The following KIFBP variants were observed in gnomAD, a reference collection of about 807,000 sequenced individuals.
KIFBP encodes the protein kinesin family binding protein, also known as KIF-binding protein.
Under a neutral mutation model 58.9 loss-of-function variants are expected in KIFBP, and 46 were observed. That is an observed-to-expected ratio of 0.78 (90% confidence interval 0.62 to 1.00). The LOEUF (loss-of-function observed/expected upper bound fraction) is 1.00, where lower values mean the gene tolerates loss of function less well. KIFBP is among the 50% of genes least tolerant of loss of function. KIFBP has a pLI of 0.00. For missense variants in KIFBP, 651 were observed against 752.9 expected, an observed-to-expected ratio of 0.86 and a Z score of 1.58; for synonymous variants, 241 against 283.4, an observed-to-expected ratio of 0.85 and a Z score of 1.50.
rs1843517110 is a variant in KIFBP, at chr10:69,005,079, T to C, written c.559T>C (p.Phe187Leu). ...TCCTCCTCTTGATCCTACTGAGCGT[T>C]TTCTTCCTGAAGAAGAGAAACTTAC... ...GSPPLDPTER[F>L]LPEEEKLTEQ... Residue 187 changes from phenylalanine (F) to leucine (L), a missense_variant, in exon 3 of 7, where the codon TTT (phenylalanine) becomes CTT (leucine). Transcript: ENST00000361983. 1 of 1,613,644 alleles carries C rather than the reference T, an allele frequency of 6.2e-7. No homozygotes were observed. The highest frequency in any genetic ancestry group is 1.1e-5 in the South Asian group (1 of 91,078).
chr10:69,015,079 T>C (rs1838977868), intron 6 of KIFBP, among the ~76,000 whole-genome samples: 1 of 152,112 alleles, frequency 6.6e-6, no homozygotes, highest in African/African-American at 2.4e-5. Flanking sequence ...CCTGCCACCA[T>C]GCCTGGCTAA....
intron 1 of KIFBP, among the ~76,000 whole-genome samples, chr10:68,994,847 C>G (rs1262724616): frequency 6.6e-6 from 1 of 151,666 alleles, no homozygotes; most frequent in Admixed American, 6.6e-5. Context: ...TGTAGTCCCT[C>G]CCTCTCTCCT....
intron 6 of KIFBP, chr10:69,011,375 G>A (rs1297821035): frequency 5.9e-6 from 1 of 169,454 alleles, no homozygotes; most frequent in Non-Finnish European, 1.2e-5. Context: ...CTTCTTGAGA[G>A]CTGGGAACGA....
chr10:69,008,389 AAAATATATATATATAT>A (rs1186753253), intron 4 of KIFBP, among the ~76,000 whole-genome samples: 2 of 56,570 alleles, frequency 3.5e-5, no homozygotes, highest in Admixed American at 1.9e-4. Flanking sequence ...AAAAAAAAAA[AAAATATATATATATAT>A]ATATATATAT....
rs1211667916 is a variant in KIFBP, at chr10:69,008,377, T to TAAAA, written c.790-452_790-449dup. Among the ~76,000 whole-genome samples, 243 of 75,380 alleles carry TAAAA rather than the reference T, an allele frequency of 3.2e-3. 2 individuals are homozygous for TAAAA. Among genetic ancestry groups the TAAAA allele is most frequent in the African/African-American group, 0.019 (228 of 11,968 alleles). The allele number at this position is 75,380 out of a possible 152,430, so 49.5% of individuals were successfully genotyped here. A position where few individuals can be genotyped will look rare whatever the true frequency, so the allele number is the denominator to read the frequency against. On this transcript the variant is annotated intron_variant, in intron 4 of 6. Transcript: ENST00000361983. ...GGGCCAGAGTGAGACCCCTGTCTCG[T>TAAAA]AAAAAAAAAAAAAAATATATATATA...
chr10:69,005,897 A>C lies in KIFBP; in HGVS notation c.771A>C (p.Ser257=). 6.2e-7 allele frequency: 1 copy of C among 1,613,978 alleles called. No individual in the cohort carries two copies. The highest frequency in any genetic ancestry group is 8.5e-7 in the Non-Finnish European group (1 of 1,179,930). The change falls in exon 4 of 7, where the codon TCA becomes TCC. Residue 257 remains serine, a synonymous_variant. Coordinates refer to ENST00000361983, the MANE Select transcript of KIFBP (RefSeq NM_015634.4). ...GGGCTATCAATGCTGCTACCTTGTC[A>C]CAGTTTTACATCAATAAGGTAAGCT... ...IEWAINAATL[S]QFYINKLCFM...
chr10:69,003,747 C>T (rs1020140332), intron 2 of KIFBP, among the ~76,000 whole-genome samples: 4 of 152,116 alleles, frequency 2.6e-5, no homozygotes, highest in African/African-American at 7.2e-5. Context: ...GGGGGTAATA[C>T]ACTTTTGTTA....
intron 1 of KIFBP, among the ~76,000 whole-genome samples, chr10:68,990,801 G>T (rs1218598265): frequency 6.6e-6 from 1 of 152,034 alleles, no homozygotes; most frequent in South Asian, 2.1e-4. Flanking sequence ...AACAGAGTGA[G>T]ACCCTGTCTC....
rs188524170 is a variant in KIFBP, at chr10:69,000,156, C to T, written c.427-268C>T. Among the ~76,000 whole-genome samples the T allele has an allele frequency of 0.048, 7,274 of 151,860 alleles. 185 individuals are homozygous for T. Among genetic ancestry groups the T allele is most frequent in the Middle Eastern group, 0.079 (23 of 292 alleles). On this transcript the variant is annotated intron_variant, in intron 1 of 6. Coordinates refer to ENST00000361983, the MANE Select transcript of KIFBP (RefSeq NM_015634.4). ...TCCATCACTTCTGTGATAGTCTAGT[C>T]GTGAGAAGCACATCACTAAAACCAG...
chr10:68,991,311 C>T (rs538407654), intron 1 of KIFBP: 45 of 210,384 alleles, frequency 2.1e-4, no homozygotes, highest in South Asian at 2.3e-4. Flanking sequence ...TTTGCCTCTC[C>T]GTTAAGTCAG....
chr10:69,011,425 G>A (rs1325165155), intron 6 of KIFBP: 7 of 152,772 alleles, frequency 4.6e-5, no homozygotes, highest in South Asian at 4.0e-4. Flanking sequence ...ACAGGCTCTC[G>A]CTCTGTTTCC....
chr10:69,004,144 C>G (rs534132201), intron 2 of KIFBP, among the ~76,000 whole-genome samples: 2 of 147,814 alleles, frequency 1.4e-5, no homozygotes, highest in Non-Finnish European at 3.0e-5. Flanking sequence ...CGCTTGAACC[C>G]GGGAGGCGGA....
chr10:69,000,588 C>T, intron 2 of KIFBP, 66 bp downstream of exon 2: 1 of 1,023,842 alleles, frequency 9.8e-7, no homozygotes, highest in Non-Finnish European at 1.5e-6. Flanking sequence ...TAGTAAGAAT[C>T]CCTCATTCGT....
At chr10:68,998,403 GTTT>G (rs34514567) in intron 1 of KIFBP, among the ~76,000 whole-genome samples, 3 of 145,928 alleles carry the variant, frequency 2.1e-5, no homozygotes, top group Admixed American at 2.1e-4. Context: ...TAATAGAAAG[GTTT>G]TTTTTTTTCA....
Position 68,989,013 on chromosome 10 carries a change from C to T in KIFBP, c.181C>T (p.Pro61Ser). ...GPAPEDEDER[P>S]EAEDGPGAGD... is the part of the protein sequence containing the mutation. ...TGCGCCTGAGGACGAGGATGAGCGG[C>T]CTGAGGCCGAGGACGGCCCGGGTGC... The change falls in exon 1 of 7, where the codon CCT becomes TCT. Residue 61 changes from proline to serine, a missense_variant. By Grantham distance (74) the Pro-to-Ser change is moderately conservative (BLOSUM62 -1). Coordinates refer to ENST00000361983, the MANE Select transcript of KIFBP (RefSeq NM_015634.4). The T allele has an allele frequency of 6.2e-7, 1 of 1,614,114 alleles. No homozygotes were observed. Among genetic ancestry groups the T allele is most frequent in the Non-Finnish European group, 8.5e-7 (1 of 1,180,002 alleles).
In KIFBP at chr10:69,016,438, A is replaced by G; in HGVS notation, c.*22A>G. The G allele has an allele frequency of 6.2e-7, 1 of 1,612,160 alleles. No individual in the cohort carries two copies. ...TTAATCCTTGTTTTTAAAGAAAGGA[A>G]ATGTGCAATATTGAAGTGATCTTTT... On this transcript the variant is annotated 3_prime_UTR_variant, in exon 7 of 7. Coordinates refer to ENST00000361983, the MANE Select transcript of KIFBP (RefSeq NM_015634.4).
chr10:69,005,085 C>T lies in KIFBP; in HGVS notation c.565C>T (p.Pro189Ser), dbSNP rs1589296239. Residue 189 changes from proline (P) to serine (S), a missense_variant, in exon 3 of 7, where the codon CCT becomes TCT. Coordinates refer to ENST00000361983, the MANE Select transcript of KIFBP (RefSeq NM_015634.4). ...PPLDPTERFLPEEEKLTEQER... is the reference protein window; with the variant it reads ...PPLDPTERFLSEEEKLTEQER... ...TCTTGATCCTACTGAGCGTTTTCTT[C>T]CTGAAGAAGAGAAACTTACTGAACA... is the stretch of plus-strand genomic sequence containing the variant. The T allele has an allele frequency of 1.2e-6, 2 of 1,613,528 alleles. No individual in the cohort carries two copies. The highest frequency in any genetic ancestry group is 2.2e-5 in the East Asian group (1 of 44,842).
intron 1 of KIFBP, among the ~76,000 whole-genome samples, chr10:68,996,223 G>A (rs962247058): frequency 1.3e-5 from 2 of 151,382 alleles, no homozygotes; most frequent in African/African-American, 4.9e-5. Flanking sequence ...GTGGAGTCAA[G>A]CTTTAAAAAA....
chr10:69,013,018 T>A lies in KIFBP; in HGVS notation c.990+2003T>A, dbSNP rs540406821. On this transcript the variant is annotated intron_variant, in intron 6 of 6. Coordinates refer to ENST00000361983, the MANE Select transcript of KIFBP (RefSeq NM_015634.4). Reference sequence around the variant, plus strand: ...GCGGAAGGCGAAAGAGAAGCAAGCATGTCTTACCATGGCAAGCAGGAGAGA... The same window carrying A: ...GCGGAAGGCGAAAGAGAAGCAAGCAAGTCTTACCATGGCAAGCAGGAGAGA... 1.4e-4 allele frequency among the ~76,000 whole-genome samples: 22 copies of A among 152,008 alleles called. No homozygotes were observed. In the South Asian group the frequency reaches 4.6e-3, roughly 32 times the overall value.
Sources: allele counts gnomAD v4.1 joint callset (sites outside exome capture counted in the v4.1 genomes callset), GRCh38; gene constraint gnomAD v4.1.1; transcripts MANE v1.5; gene names NCBI Gene and HGNC (gene_info 2026-07-23, HGNC 2026-07-21).